IFT122: variants seen among roughly 807,000 people sequenced by gnomAD.
IFT122 encodes the protein intraflagellar transport 122.
IFT122 carries 118 observed loss-of-function variants against 161.6 expected under a neutral mutation model. The ratio of observed to expected loss-of-function variants is 0.73; its 90% CI spans 0.63 to 0.85. The LOEUF (loss-of-function observed/expected upper bound fraction) is 0.85, where lower values mean the gene tolerates loss of function less well. Ranked by LOEUF, IFT122 falls within the 40% of genes least tolerant of loss-of-function variation. IFT122 has a pLI of 0.00. For synonymous variants in IFT122, 550 were observed against 602.4 expected (o/e 0.91, Z 1.27); for missense variants, 1,381 against 1,579.6 (o/e 0.87, Z 2.13).
At chr3:129,502,681 C>T in intron 19 of IFT122, 30 bp from the exon 20 acceptor site, 1 of 1,602,324 alleles carries the variant, frequency 6.2e-7, no homozygotes, top group Non-Finnish European at 8.5e-7. Context: ...ACCCAGAGCC[C>T]ACCCTCCTAC....
chr3:129,471,280 G>A (rs1327774045), intron 9 of IFT122, among the ~76,000 whole-genome samples: 1 of 152,158 alleles, frequency 6.6e-6, no homozygotes, highest in East Asian at 1.9e-4. Context: ...TTTTGTATTC[G>A]AGTAAAGAAA....
chr3:129,455,088 A>G (rs1195674520), intron 3 of IFT122, among the ~76,000 whole-genome samples: 1 of 152,086 alleles, frequency 6.6e-6, no homozygotes, highest in Non-Finnish European at 1.5e-5. Flanking sequence ...TTTTCCTCTT[A>G]GACCTGAAGA....
chr3:129,501,792 C>T (rs192564683), intron 19 of IFT122, among the ~76,000 whole-genome samples: 1 of 152,324 alleles, frequency 6.6e-6, no homozygotes, highest in East Asian at 1.9e-4. Context: ...TGCCACCTTT[C>T]CCTAAAAACG....
At chr3:129,516,050 G>GCACA (rs779862475) in intron 26 of IFT122, among the ~76,000 whole-genome samples, 1 of 125,550 alleles carries the variant, frequency 8.0e-6, no homozygotes, top group Admixed American at 7.9e-5. Flanking sequence ...AACTGCCCCT[G>GCACA]CACACACACA....
chr3:129,454,542 T>TGTGTGTGTGTGC (rs2075245981), intron 3 of IFT122, among the ~76,000 whole-genome samples: 1 of 151,392 alleles, frequency 6.6e-6, no homozygotes, highest in African/African-American at 2.4e-5. Context: ...TGTGTGTGTG[T>TGTGTGTGTGTGC]GTGTGTGTGT....
At chr3:129,465,391 C>T (rs1042075425) in intron 7 of IFT122, among the ~76,000 whole-genome samples, 12 of 151,770 alleles carry the variant, frequency 7.9e-5, no homozygotes, top group African/African-American at 2.7e-4. Context: ...ACAATTGGCA[C>T]CTACCTTCTT....
At chr3:129,451,628 G>T (rs952653202) in intron 2 of IFT122, among the ~76,000 whole-genome samples, 4 of 152,172 alleles carry the variant, frequency 2.6e-5, no homozygotes, top group Admixed American at 2.6e-4. Context: ...CCAAATTCAG[G>T]TAAGGATGAG....
At chr3:129,483,366 A>T in intron 14 of IFT122, 119 bp from the exon 15 acceptor site, 2 of 865,398 alleles carry the variant, frequency 2.3e-6, no homozygotes, top group South Asian at 2.7e-5. Context: ...TTTTCCCTCC[A>T]TCCCACTGTA....
chr3:129,489,838 TAAAA>T (rs1220023680), intron 16 of IFT122, among the ~76,000 whole-genome samples: 1 of 117,136 alleles, frequency 8.5e-6, no homozygotes. Context: ...GACTCTGACT[TAAAA>T]AAAAAAAAAA....
chr3:129,507,591 G>GC lies in IFT122; in HGVS notation c.2792-73dup. The GC allele has an allele frequency of 2.8e-6, 3 of 1,082,734 alleles. No individual in the cohort carries two copies. The Admixed American group carries it at 5.1e-5, about 18-fold the overall frequency. The allele number at this position is 1,082,734 out of a possible 1,614,324, so 67.1% of individuals were successfully genotyped here. ...ATGCTGGGAAAAGTACTGTTGCCTG[G>GC]CCCCTCCTCCTGGGGCCAGTTGGCA... On this transcript the variant is annotated intron_variant, in intron 22 of 29. Transcript: ENST00000348417.
At position 129,506,416 on chromosome 3, in the gene IFT122, C is replaced by T; in HGVS notation, c.2658C>T (p.His886=). The T allele has an allele frequency of 6.2e-7, 1 of 1,614,034 alleles. No individual in the cohort carries two copies. The highest frequency in any genetic ancestry group is 8.5e-7 in the Non-Finnish European group (1 of 1,180,032). The change falls in exon 22 of 30, where the codon CAC becomes CAT. Residue 886 remains histidine (H), a synonymous_variant. Coordinates refer to ENST00000348417, the MANE Select transcript of IFT122 (RefSeq NM_052989.3). ...CCTCCACCACTCCTACAGCGTTCCA[C>T]AAGGCTGGGCGACAGAGAGAAGCGG... is the stretch of plus-strand genomic sequence containing the variant. The part of the protein sequence containing the change: ...DRFEEAQKAF[H]KAGRQREAVQ...
chr3:129,454,996 T>A (rs969411727), intron 3 of IFT122, among the ~76,000 whole-genome samples: 1 of 152,146 alleles, frequency 6.6e-6, no homozygotes. Flanking sequence ...CTGCAGAGTC[T>A]TTGTTCTTTC....
intron 1 of IFT122, among the ~76,000 whole-genome samples, chr3:129,441,944 G>A (rs3138322): frequency 5.9e-5 from 9 of 152,002 alleles, no homozygotes; most frequent in Non-Finnish European, 1.3e-4. Flanking sequence ...GCTCATGCTC[G>A]GCCTAAAAGG....
chr3:129,499,985 C>G lies in IFT122; in HGVS notation c.2292C>G (p.Pro764=), dbSNP rs779926427. ...QADWARNIKE[P]KAAVEMYISA... ...ACTGGGCCAGAAATATCAAGGAGCC[C>G]AAAGCCGCCGTGGAGATGTACATCT... The change falls in exon 19 of 30, where the codon CCC becomes CCG. Residue 764 remains proline (P), a synonymous_variant. Coordinates refer to ENST00000348417, the MANE Select transcript of IFT122 (RefSeq NM_052989.3). The G allele has an allele frequency of 6.2e-7, 1 of 1,614,176 alleles. No homozygotes were observed. The highest frequency in any genetic ancestry group is 1.1e-5 in the South Asian group (1 of 91,080).
chr3:129,519,813 C>T, intron 29 of IFT122, 81 bp downstream of exon 29: 1 of 1,538,486 alleles, frequency 6.5e-7, no homozygotes. Flanking sequence ...GGAGGCGTGG[C>T]CCCTGGGAGG....
At position 129,514,396 on chromosome 3, in the gene IFT122, C is replaced by T; in HGVS notation, c.2995C>T (p.Leu999Phe). 6.2e-7 allele frequency: 1 copy of T among 1,614,136 alleles called. No individual in the cohort carries two copies. ...TAACCCTGTTCACGGCAGGAAAATA[C>T]TCTTCACCTTGGCCAAGCAGAGCAA... ...TPSGISKVKI[L>F]FTLAKQSKAL... Residue 999 changes from leucine to phenylalanine, a missense_variant, in exon 25 of 30, where the codon CTC becomes TTC. By Grantham distance (22) the Leu-to-Phe change is conservative (BLOSUM62 0). Around this residue, in one of 7 missense-constraint regions of IFT122, gnomAD observed 496 missense variants for 502.5 expected, o/e 0.99. Transcript: ENST00000348417.
intron 3 of IFT122, among the ~76,000 whole-genome samples, chr3:129,453,020 C>G (rs544583856): frequency 2.8e-4 from 42 of 152,204 alleles, no homozygotes; most frequent in East Asian, 9.6e-4. Flanking sequence ...AGTTGCCCCC[C>G]CCACTGAGAT....
At chr3:129,510,821 A>G (rs1424749701) in intron 23 of IFT122, among the ~76,000 whole-genome samples, 3 of 152,232 alleles carry the variant, frequency 2.0e-5, no homozygotes, top group African/African-American at 4.8e-5. Flanking sequence ...ACTACGTGAC[A>G]GACCCTGTGA....
At position 129,512,221 on chromosome 3, in the gene IFT122, G is replaced by A. The variant is rs2082923277; in HGVS notation, c.2887-91G>A. 4.6e-6 allele frequency: 4 copies of A among 878,792 alleles called. No homozygotes were observed. The South Asian group carries it at 5.2e-5, about 12-fold the overall frequency. 54.4% of individuals were successfully genotyped at this position (878,792 alleles called of 1,614,324 possible). ...AATAATCAGAGCCGCTCTTGTTGAT[G>A]TCACTCAGAATTATTGGTGTCTGCC... On this transcript the variant is annotated intron_variant, in intron 23 of 29. Transcript: ENST00000348417.
Sources: allele counts gnomAD v4.1 joint callset (sites outside exome capture counted in the v4.1 genomes callset), GRCh38; gene constraint gnomAD v4.1.1; regional missense constraint gnomAD v4.1.1; transcripts MANE v1.5; gene names NCBI Gene and HGNC (gene_info 2026-07-23, HGNC 2026-07-21).